CNTN5: variants seen among roughly 807,000 people sequenced by gnomAD.
The protein encoded by CNTN5 is contactin 5.
A neutral mutation model predicts 129.1 loss-of-function variants in CNTN5; 77 were observed. That is an observed-to-expected ratio of 0.60 (90% confidence interval 0.50 to 0.72). The LOEUF (loss-of-function observed/expected upper bound fraction) is 0.72, where lower values mean the gene tolerates loss of function less well. CNTN5 is among the 30% of genes least tolerant of loss of function. The probability of loss-of-function intolerance (pLI) is 0.00; values close to 1 mark genes in which losing one functional copy is unlikely to be tolerated. For missense variants in CNTN5, 1,478 were observed against 1,328.8 expected, an observed-to-expected ratio of 1.11 and a Z score of -1.75; for synonymous variants, 509 against 465.6, an observed-to-expected ratio of 1.09 and a Z score of -1.20.
rs191500462 is a variant in CNTN5, at chr11:99,594,080, T to G, written c.55+37811T>G. Reference sequence around the variant, plus strand: ...ATTACAATTACTATATAGGCCTGATTGTTGTTCTGCCTAGAATAGTCTCTA... The same window carrying G: ...ATTACAATTACTATATAGGCCTGATGGTTGTTCTGCCTAGAATAGTCTCTA... On this transcript the variant is annotated intron_variant, in intron 3 of 24. Coordinates refer to ENST00000524871, the MANE Select transcript of CNTN5 (RefSeq NM_014361.4). Among the ~76,000 whole-genome samples, 58 of 152,320 alleles carry G rather than the reference T, an allele frequency of 3.8e-4. No individual in the cohort carries two copies. In the East Asian group the frequency reaches 6.7e-3, roughly 18 times the overall value.
intron 6 of CNTN5, among the ~76,000 whole-genome samples, chr11:99,902,118 CA>C (rs1949373058): frequency 6.6e-6 from 1 of 152,044 alleles, no homozygotes; most frequent in Non-Finnish European, 1.5e-5. Context: ...CATGAACTGG[CA>C]ATACGGAAAA....
intron 2 of CNTN5, among the ~76,000 whole-genome samples, chr11:99,393,133 CA>C (rs1249339987): frequency 6.6e-6 from 1 of 151,622 alleles, no homozygotes; most frequent in Non-Finnish European, 1.5e-5. Context: ...GGCTAAATGT[CA>C]AAAGAAGGGC....
intron 13 of CNTN5, among the ~76,000 whole-genome samples, chr11:100,149,986 A>C (rs1947001621): frequency 6.6e-6 from 1 of 152,134 alleles, no homozygotes; most frequent in African/African-American, 2.4e-5. Flanking sequence ...GTTACACTTT[A>C]ATCCAAACAA....
intron 2 of CNTN5, among the ~76,000 whole-genome samples, chr11:99,508,904 C>A (rs1233004756): frequency 1.3e-5 from 2 of 152,118 alleles, no homozygotes; most frequent in African/African-American, 2.4e-5. Flanking sequence ...TGGTTTCAAA[C>A]TCCTGACCTC....
At chr11:99,984,892 G>A (rs983572787) in intron 8 of CNTN5, among the ~76,000 whole-genome samples, 2 of 152,022 alleles carry the variant, frequency 1.3e-5, no homozygotes, top group African/African-American at 2.4e-5. Context: ...CCGTTTACTC[G>A]GCCCACTGTG....
chr11:99,244,667 G>A (rs1426860990), intron 1 of CNTN5, among the ~76,000 whole-genome samples: 1 of 152,138 alleles, frequency 6.6e-6, no homozygotes, highest in East Asian at 1.9e-4. Context: ...CACCAGAAAG[G>A]TTTTAAAATG....
chr11:100,069,135 A>G (rs964964676), intron 10 of CNTN5, among the ~76,000 whole-genome samples: 8 of 151,898 alleles, frequency 5.3e-5, no homozygotes. Context: ...TCTGACATGC[A>G]TGTGTAGTTT....
chr11:100,134,669 C>CA (rs1346644379), intron 13 of CNTN5, among the ~76,000 whole-genome samples: 1 of 152,120 alleles, frequency 6.6e-6, no homozygotes, highest in African/African-American at 2.4e-5. Flanking sequence ...AATGCTTGTG[C>CA]AACAAAACTG....
At chr11:99,098,612 G>A (rs756938419) in intron 1 of CNTN5, among the ~76,000 whole-genome samples, 14 of 152,020 alleles carry the variant, frequency 9.2e-5, no homozygotes, top group East Asian at 1.9e-4. Flanking sequence ...GGAAGAAAAC[G>A]ATAGTCTTCG....
chr11:100,160,189 G>GTGTT (rs1361220819), intron 13 of CNTN5, among the ~76,000 whole-genome samples: 2 of 151,958 alleles, frequency 1.3e-5, no homozygotes, highest in South Asian at 2.1e-4. Context: ...TTCTGTTTCT[G>GTGTT]TGTTTGTTTG....
chr11:99,761,225 T>C lies in CNTN5; in HGVS notation c.56-58319T>C, dbSNP rs541783741. ...CTTTAGGTATATGGATCAAAGTAAATCTTCAGGTAAAGTTTCTGTATTAGT... is the reference window on the plus strand; with the variant it reads ...CTTTAGGTATATGGATCAAAGTAAACCTTCAGGTAAAGTTTCTGTATTAGT... On this transcript the variant is annotated intron_variant, in intron 3 of 24. Transcript: ENST00000524871. Among the ~76,000 whole-genome samples, 47 of 152,192 alleles carry C rather than the reference T, an allele frequency of 3.1e-4. No homozygotes were observed. In the South Asian group the frequency reaches 9.1e-3, roughly 30 times the overall value.
intron 3 of CNTN5, among the ~76,000 whole-genome samples, chr11:99,636,754 C>T (rs1293545875): frequency 7.0e-6 from 1 of 143,016 alleles, no homozygotes; most frequent in Non-Finnish European, 1.5e-5. Context: ...GTGGCTCATA[C>T]CTGTAATCTC....
intron 9 of CNTN5, among the ~76,000 whole-genome samples, chr11:100,031,614 T>G (rs1480512147): frequency 6.6e-6 from 1 of 152,222 alleles, no homozygotes; most frequent in Admixed American, 6.5e-5. Context: ...ACGTCCTGTT[T>G]CTATGGATTT....
At chr11:99,967,917 A>G (rs897832027) in intron 8 of CNTN5, among the ~76,000 whole-genome samples, 1 of 152,172 alleles carries the variant, frequency 6.6e-6, no homozygotes, top group African/African-American at 2.4e-5. Flanking sequence ...TGTTTTCTGC[A>G]TGGGAAGCAC....
At chr11:100,074,375 G>A in intron 13 of CNTN5, 81 bp downstream of exon 13, 1 of 1,145,784 alleles carries the variant, frequency 8.7e-7, no homozygotes. Flanking sequence ...ATGCAAGAAA[G>A]AGTCTTGCAG....
chr11:99,757,198 T>C (rs1383909642), intron 3 of CNTN5, among the ~76,000 whole-genome samples: 1 of 152,070 alleles, frequency 6.6e-6, no homozygotes, highest in Non-Finnish European at 1.5e-5. Flanking sequence ...CACTTGAAGA[T>C]GCATCACTCC....
intron 2 of CNTN5, among the ~76,000 whole-genome samples, chr11:99,355,866 G>A (rs1253768489): frequency 7.1e-6 from 1 of 140,348 alleles, no homozygotes; most frequent in South Asian, 2.2e-4. Context: ...TCGCTCTTTC[G>A]CCCAGGCCGG....
intron 2 of CNTN5, among the ~76,000 whole-genome samples, chr11:99,543,791 G>A (rs994850074): frequency 3.3e-5 from 5 of 151,778 alleles, no homozygotes; most frequent in South Asian, 2.1e-4. Flanking sequence ...GGTGGCACAC[G>A]CCTGTAATTC....
intron 6 of CNTN5, among the ~76,000 whole-genome samples, chr11:99,899,755 G>A (rs939322054): frequency 2.0e-5 from 3 of 151,990 alleles, no homozygotes; most frequent in Non-Finnish European, 2.9e-5. Flanking sequence ...GAGTGAGTTA[G>A]GAAGACATTC....
Sources: allele counts gnomAD v4.1 joint callset (sites outside exome capture counted in the v4.1 genomes callset), GRCh38; gene constraint gnomAD v4.1.1; transcripts MANE v1.5; gene names NCBI Gene and HGNC (gene_info 2026-07-23, HGNC 2026-07-21).